MEGF10: variants seen among roughly 807,000 people sequenced by gnomAD.
MEGF10 encodes the protein multiple EGF like domains 10, also known as multiple epidermal growth factor-like domains protein 10.
In MEGF10, 86 loss-of-function variants were observed where a neutral mutation model predicts 147.5. The observed-to-expected ratio is 0.58, with a 90% CI of 0.49 to 0.70. MEGF10 has a LOEUF of 0.70. Ranked by LOEUF, MEGF10 falls within the 30% of genes least tolerant of loss-of-function variation. MEGF10 has a pLI of 0.00. For synonymous variants in MEGF10, 478 were observed against 525.5 expected (o/e 0.91, Z 1.24); for missense variants, 1,329 against 1,487.3 (o/e 0.89, Z 1.75).
chr5:127,378,268 A>G (rs1763107193), intron 5 of MEGF10, among the ~76,000 whole-genome samples: 1 of 152,152 alleles, frequency 6.6e-6, no homozygotes, highest in Non-Finnish European at 1.5e-5. Flanking sequence ...TGAAGACTTA[A>G]CAGGTATTCG....
chr5:127,299,378 T>A (rs1759664461), intron 1 of MEGF10, among the ~76,000 whole-genome samples: 1 of 152,148 alleles, frequency 6.6e-6, no homozygotes, highest in Admixed American at 6.5e-5. Flanking sequence ...AGAAAGTTAT[T>A]GATAAGTTTG....
intron 7 of MEGF10, 34 bp from the exon 8 acceptor site, chr5:127,402,512 G>T: frequency 6.3e-7 from 1 of 1,595,426 alleles, no homozygotes; most frequent in South Asian, 1.1e-5. Flanking sequence ...CTGGCTGGAG[G>T]CCCATCTAAT....
rs199650246 is a variant in MEGF10 at position 127,457,106 on chromosome 5, A to T, written c.3233-22A>T. ...AAAACATTTCCTTTGCTGATAAATT[A>T]ATATGTCCTTGGTTATCACAGAACC... On this transcript the variant is annotated intron_variant, in intron 24 of 24. Coordinates refer to ENST00000503335, the MANE Select transcript of MEGF10 (RefSeq NM_001256545.2). The T allele has an allele frequency of 1.1e-4, 168 of 1,551,250 alleles. 1 individual carries two copies. In the African/African-American group the frequency reaches 2.2e-3, roughly 20 times the overall value.
intron 8 of MEGF10, among the ~76,000 whole-genome samples, chr5:127,408,841 C>T (rs981935151): frequency 1.3e-5 from 2 of 152,188 alleles, no homozygotes; most frequent in African/African-American, 4.8e-5. Flanking sequence ...TTTTGGGAGG[C>T]TGAGGCGGGA....
chr5:127,290,709 G>GGAA (rs1218391511), upstream of MEGF10: 1 of 152,810 alleles, frequency 6.5e-6, no homozygotes, highest in Non-Finnish European at 1.5e-5. Context: ...CCACTGCCCC[G>GGAA]GCAGCAGCAG....
chr5:127,370,152 TTAAA>T (rs1321500708), intron 5 of MEGF10, 150 bp downstream of exon 5: 1 of 553,592 alleles, frequency 1.8e-6, no homozygotes, highest in Non-Finnish European at 3.2e-6. Context: ...ACAGTTTCTT[TTAAA>T]TCTGTACATG....
intron 21 of MEGF10, among the ~76,000 whole-genome samples, chr5:127,448,004 T>C (rs1351473780): frequency 6.6e-6 from 1 of 152,142 alleles, no homozygotes; most frequent in Non-Finnish European, 1.5e-5. Flanking sequence ...CGTTTCTAAT[T>C]TTACATGAGA....
chr5:127,433,504 AGAG>A lies in MEGF10; in HGVS notation c.1839_1840+1del. ...CCAGGCTTCCGAGGCACCACTTGTC[AGAG>A]GAGTAAGTGTCTCATTAGGCAGTAA... is the stretch of plus-strand genomic sequence containing the variant. On this transcript the variant is annotated inframe_deletion and splice_region_variant, in exon 14 of 25. Transcript: ENST00000503335. The A allele has an allele frequency of 6.2e-7, 1 of 1,603,170 alleles. No individual in the cohort carries two copies. Among genetic ancestry groups the A allele is most frequent in the African/African-American group, 1.3e-5 (1 of 74,806 alleles).
At chr5:127,322,595 G>C (rs1373765222) in intron 1 of MEGF10, among the ~76,000 whole-genome samples, 1 of 152,128 alleles carries the variant, frequency 6.6e-6, no homozygotes, top group Non-Finnish European at 1.5e-5. Context: ...TCTCACATTA[G>C]ATTGTTAATT....
intron 12 of MEGF10, 83 bp downstream of exon 12, chr5:127,420,290 A>T: frequency 6.7e-7 from 1 of 1,488,414 alleles, no homozygotes; most frequent in South Asian, 1.3e-5. Flanking sequence ...ATTTTTCCTG[A>T]CTTCAAGTGG....
intron 1 of MEGF10, among the ~76,000 whole-genome samples, chr5:127,319,770 C>T (rs1760720107): frequency 6.6e-6 from 1 of 152,176 alleles, no homozygotes; most frequent in South Asian, 2.1e-4. Flanking sequence ...TTATAAGCAC[C>T]CTAGGGCCAA....
At chr5:127,315,709 G>A (rs1218577725) in intron 1 of MEGF10, among the ~76,000 whole-genome samples, 1 of 152,178 alleles carries the variant, frequency 6.6e-6, no homozygotes, top group African/African-American at 2.4e-5. Flanking sequence ...GGGAGGTTGA[G>A]GCAGCAGTGA....
chr5:127,348,724 A>G (rs918334115), intron 4 of MEGF10, among the ~76,000 whole-genome samples: 3 of 152,230 alleles, frequency 2.0e-5, no homozygotes, highest in African/African-American at 7.2e-5. Flanking sequence ...GGTCTAACAA[A>G]TTTAACAAAC....
chr5:127,327,285 C>T (rs923582274), intron 1 of MEGF10, among the ~76,000 whole-genome samples: 1 of 152,064 alleles, frequency 6.6e-6, no homozygotes, highest in Non-Finnish European at 1.5e-5. Context: ...ATGCAAATGA[C>T]TCTTTATTTT....
At chr5:127,336,568 T>A (rs148702414) in intron 2 of MEGF10, among the ~76,000 whole-genome samples, 1 of 152,276 alleles carries the variant, frequency 6.6e-6, no homozygotes, top group East Asian at 1.9e-4. Context: ...AACATTTTAC[T>A]TGTTTGCTTA....
intron 10 of MEGF10, among the ~76,000 whole-genome samples, chr5:127,418,630 C>A (rs943962879): frequency 2.6e-5 from 4 of 152,180 alleles, no homozygotes; most frequent in African/African-American, 9.7e-5. Context: ...TTAATGCTCC[C>A]TGTCGGATAA....
chr5:127,273,443 C>T, the MEGF10 span, among the ~76,000 whole-genome samples: 3 of 152,192 alleles, frequency 2.0e-5, no homozygotes, highest in Admixed American at 6.5e-5. Context: ...GTATTCACTC[C>T]CTGCTTTCAT....
chr5:127,392,937 T>C (rs1422037040), intron 5 of MEGF10, among the ~76,000 whole-genome samples: 1 of 152,192 alleles, frequency 6.6e-6, no homozygotes, highest in Admixed American at 6.5e-5. Context: ...CTGGGCATCT[T>C]GCATCTGAGA....
chr5:127,374,072 C>T (rs912801290), intron 5 of MEGF10, among the ~76,000 whole-genome samples: 68 of 152,288 alleles, frequency 4.5e-4, no homozygotes, highest in African/African-American at 1.6e-3. Context: ...ACTGCAGGAG[C>T]GGTATGCTAG....
Sources: allele counts gnomAD v4.1 joint callset (sites outside exome capture counted in the v4.1 genomes callset), GRCh38; gene constraint gnomAD v4.1.1; transcripts MANE v1.5; gene names NCBI Gene and HGNC (gene_info 2026-07-23, HGNC 2026-07-21).